Variants in N4BP2L1 observed in about 807,000 individuals in gnomAD.
The protein encoded by N4BP2L1 is NEDD4 binding protein 2 like 1.
Under a neutral mutation model 21.2 loss-of-function variants are expected in N4BP2L1, and 12 were observed. That is an observed-to-expected ratio of 0.57 (90% CI 0.36 to 0.92). The LOEUF is 0.92. Ranked by LOEUF, N4BP2L1 falls within the 40% of genes least tolerant of loss-of-function variation. The pLI, the probability that N4BP2L1 is intolerant of heterozygous loss-of-function variation, is 0.01. For missense variants in N4BP2L1, 259 were observed against 310.6 expected (o/e 0.83, Z 1.25); for synonymous variants, 104 against 112.8 (o/e 0.92, Z 0.49).
At position 32,402,216 on chromosome 13, in the gene N4BP2L1, TTCAGG is replaced by T. The variant is rs1483637948; in HGVS notation, c.*721_*725del. 2.1e-6 allele frequency: 2 copies of T among 971,076 alleles called. No homozygotes were observed. The highest frequency in any genetic ancestry group is 3.5e-5 in the African/African-American group (2 of 56,946). The allele number at this position is 971,076 out of a possible 1,614,324, so 60.2% of individuals were successfully genotyped here. A position where few individuals can be genotyped will look rare whatever the true frequency, so the allele number is the denominator to read the frequency against. On this transcript the variant is annotated 3_prime_UTR_variant, in exon 5 of 5. Transcript: ENST00000380130. ...CTATTAGCACAACAGCCAAAAGTTA[TTCAGG>T]TTTAATCCTGCTGAATAAAGTAGTA...
At chr13:32,413,494 A>T (rs2073969708) in intron 1 of N4BP2L1, among the ~76,000 whole-genome samples, 1 of 152,216 alleles carries the variant, frequency 6.6e-6, no homozygotes, top group South Asian at 2.1e-4. Context: ...CTGATTGCAC[A>T]TAATGACAGT....
intron 1 of N4BP2L1, among the ~76,000 whole-genome samples, chr13:32,422,429 G>A (rs887182605): frequency 3.9e-5 from 6 of 152,284 alleles, no homozygotes; most frequent in African/African-American, 1.4e-4. Context: ...CTTGGGCTCA[G>A]ACCAGATGAA....
chr13:32,427,622 C>A (rs981754044), intron 1 of N4BP2L1, among the ~76,000 whole-genome samples: 1 of 152,138 alleles, frequency 6.6e-6, no homozygotes, highest in South Asian at 2.1e-4. Flanking sequence ...TCCGTCCCCC[C>A]CGGGACAGCG....
chr13:32,403,274 G>A (rs761606974), intron 4 of N4BP2L1, 74 bp from the exon 5 acceptor site: 185 of 1,455,770 alleles, frequency 1.3e-4, no homozygotes, highest in Non-Finnish European at 1.7e-4. Flanking sequence ...AAGTCCTCTA[G>A]TATTGCAGAT....
chr13:32,403,517 C>A, intron 4 of N4BP2L1: 2 of 415,300 alleles, frequency 4.8e-6, no homozygotes, highest in South Asian at 2.3e-5. Flanking sequence ...CATACATTTG[C>A]CTGTTAATGT....
chr13:32,407,385 G>A (rs2073582745), intron 2 of N4BP2L1, 47 bp from the exon 3 acceptor site: 1 of 1,613,650 alleles, frequency 6.2e-7, no homozygotes, highest in Non-Finnish European at 8.5e-7. Flanking sequence ...AACAATCAGA[G>A]GGAAGGTGAG....
intron 1 of N4BP2L1, among the ~76,000 whole-genome samples, chr13:32,416,980 C>T (rs1593283573): frequency 6.6e-6 from 1 of 152,158 alleles, no homozygotes; most frequent in East Asian, 1.9e-4. Flanking sequence ...CCACCCCTGG[C>T]TAATTTTTGT....
chr13:32,402,159 T>C lies in N4BP2L1; in HGVS notation c.*783A>G. Reference sequence around the variant, plus strand: ...GTCGTTTATTCCTTTTAAAAGTTAGTGTTTTATGAAGGCAGGCTTATTTTA... The same window carrying C: ...GTCGTTTATTCCTTTTAAAAGTTAGCGTTTTATGAAGGCAGGCTTATTTTA... On this transcript the variant is annotated 3_prime_UTR_variant, in exon 5 of 5. Coordinates refer to ENST00000380130, the MANE Select transcript of N4BP2L1 (RefSeq NM_052818.3). 1 of 985,056 alleles carries C rather than the reference T, an allele frequency of 1.0e-6. No individual in the cohort carries two copies. Among genetic ancestry groups the C allele is most frequent in the Non-Finnish European group, 1.2e-6 (1 of 829,572 alleles). 61.0% of individuals were successfully genotyped at this position (985,056 alleles called of 1,614,324 possible). A position where few individuals can be genotyped will look rare whatever the true frequency, so the allele number is the denominator to read the frequency against.
In N4BP2L1 at chr13:32,401,852, G is replaced by C; in HGVS notation, c.*1090C>G. 1.2e-6 allele frequency: 1 copy of C among 847,410 alleles called. No homozygotes were observed. Among genetic ancestry groups the C allele is most frequent in the South Asian group, 5.4e-5 (1 of 18,502 alleles). 52.5% of individuals were successfully genotyped at this position (847,410 alleles called of 1,614,324 possible). A position where few individuals can be genotyped will look rare whatever the true frequency, so the allele number is the denominator to read the frequency against. Reference sequence around the variant, plus strand: ...TTGGCCAACAAGAAATAGAGCATACGTCCTCTGTGGTCTTGTCTATCATGA... The same window carrying C: ...TTGGCCAACAAGAAATAGAGCATACCTCCTCTGTGGTCTTGTCTATCATGA... On this transcript the variant is annotated 3_prime_UTR_variant, in exon 5 of 5. Transcript: ENST00000380130.
chr13:32,401,823 G>A lies in N4BP2L1; in HGVS notation c.*1119C>T. ...ATTTTTCACAGAACATTAGAAAGAAGCTGTTGGCCAACAAGAAATAGAGCA... is the reference window on the plus strand; with the variant it reads ...ATTTTTCACAGAACATTAGAAAGAAACTGTTGGCCAACAAGAAATAGAGCA... On this transcript the variant is annotated 3_prime_UTR_variant, in exon 5 of 5. Coordinates refer to ENST00000380130, the MANE Select transcript of N4BP2L1 (RefSeq NM_052818.3). The A allele has an allele frequency of 1.8e-6, 1 of 558,878 alleles. No individual in the cohort carries two copies. 34.6% of individuals were successfully genotyped at this position (558,878 alleles called of 1,614,324 possible).
At chr13:32,415,165 G>C (rs558342590) in intron 1 of N4BP2L1, among the ~76,000 whole-genome samples, 27 of 152,304 alleles carry the variant, frequency 1.8e-4, no homozygotes, top group African/African-American at 6.5e-4. Context: ...CAGGAGTCTA[G>C]CATCTTTTTT....
intron 1 of N4BP2L1, among the ~76,000 whole-genome samples, 173 bp downstream of exon 1, chr13:32,427,731 G>C (rs1337059702): frequency 6.6e-6 from 1 of 151,888 alleles, no homozygotes; most frequent in Non-Finnish European, 1.5e-5. Flanking sequence ...GGCGGCTCGG[G>C]CTCCCCGCGC....
rs752396467 is a variant in N4BP2L1 at position 32,407,279 on chromosome 13, C to G, written c.367G>C (p.Ala123Pro). 1 of 1,614,012 alleles carries G rather than the reference C, an allele frequency of 6.2e-7. No homozygotes were observed. The highest frequency in any genetic ancestry group is 8.5e-7 in the Non-Finnish European group (1 of 1,180,034). Residue 123 changes from alanine to proline, a missense_variant, in exon 3 of 5, where the codon GCC becomes CCC. By Grantham distance (27) the Ala-to-Pro change is conservative. This residue lies in a region of N4BP2L1 where 91 missense variants were observed against 148.1 expected (regional missense o/e 0.61). Coordinates refer to ENST00000380130, the MANE Select transcript of N4BP2L1 (RefSeq NM_052818.3). Reference sequence around the variant, plus strand: ...ACTGCATAGGGCTTCATTTCCCAGGCGTGGAGGTTGGTATTATCAATAATA... The same window carrying G: ...ACTGCATAGGGCTTCATTTCCCAGGGGTGGAGGTTGGTATTATCAATAATA... ...PIIIDNTNLHAWEMKPYAVMA... is the reference protein window; with the variant it reads ...PIIIDNTNLHPWEMKPYAVMA...
chr13:32,418,696 G>T (rs930259729), intron 1 of N4BP2L1, among the ~76,000 whole-genome samples: 4 of 152,246 alleles, frequency 2.6e-5, no homozygotes, highest in Non-Finnish European at 5.9e-5. Context: ...AAAGCCACAG[G>T]GGTGGAGCTG....
chr13:32,400,987 TTAAA>T lies in N4BP2L1; in HGVS notation c.*1951_*1954del, dbSNP rs1235268710. ...GGGTCAGCTAGGGAAAGAAGAGACA[TTAAA>T]TAGGCCAGGAAACTATTCTTTAGAG... On this transcript the variant is annotated 3_prime_UTR_variant, in exon 5 of 5. Transcript: ENST00000380130. The T allele has an allele frequency of 6.6e-6, 1 of 152,280 alleles. No individual in the cohort carries two copies. The highest frequency in any genetic ancestry group is 2.4e-5 in the African/African-American group (1 of 41,558). The allele number at this position is 152,280 out of a possible 1,614,324, so 9.4% of individuals were successfully genotyped here.
chr13:32,415,447 C>A (rs144720299), intron 1 of N4BP2L1, among the ~76,000 whole-genome samples: 3 of 152,086 alleles, frequency 2.0e-5, no homozygotes, highest in Admixed American at 6.5e-5. Flanking sequence ...TCTATGATAT[C>A]TTTATTTGTT....
At chr13:32,410,800 T>G (rs1342341573) in intron 1 of N4BP2L1, among the ~76,000 whole-genome samples, 4 of 152,238 alleles carry the variant, frequency 2.6e-5, no homozygotes, top group Non-Finnish European at 5.9e-5. Context: ...CCTTATCCTC[T>G]GTACACTAAG....
At chr13:32,407,359 A>G in intron 2 of N4BP2L1, 21 bp from the exon 3 acceptor site, 1 of 1,614,120 alleles carries the variant, frequency 6.2e-7, no homozygotes, top group Non-Finnish European at 8.5e-7. Context: ...ATGTTACATA[A>G]CAGTGAACAA....
In N4BP2L1 at chr13:32,408,216, A is replaced by ACT. The variant is rs560055124; in HGVS notation, c.180-446_180-445dup. Among the ~76,000 whole-genome samples, 483 of 152,106 alleles carry ACT rather than the reference A, an allele frequency of 3.2e-3. 4 individuals carry two copies. The highest frequency in any genetic ancestry group is 0.011 in the African/African-American group (463 of 41,510). ...TGCAGCCCTTCCCTCGGCCCCCTAA[A>ACT]CTCTGAGCTGGCCCATTTCCTTGGA... On this transcript the variant is annotated intron_variant, in intron 1 of 4. Transcript: ENST00000380130.
Sources: allele counts gnomAD v4.1 joint callset (sites outside exome capture counted in the v4.1 genomes callset), GRCh38; gene constraint gnomAD v4.1.1; regional missense constraint gnomAD v4.1.1; transcripts MANE v1.5; gene names NCBI Gene and HGNC (gene_info 2026-07-23, HGNC 2026-07-21).